PTPRN2: variants seen among roughly 807,000 people sequenced by gnomAD.
PTPRN2 encodes the protein receptor-type tyrosine-protein phosphatase N2.
In PTPRN2, 74 loss-of-function variants were observed where a neutral mutation model predicts 118.8. The ratio of observed to expected loss-of-function variants is 0.62; its 90% confidence interval spans 0.52 to 0.76. PTPRN2 has a LOEUF of 0.76. Ranked by LOEUF, PTPRN2 falls within the 30% of genes least tolerant of loss-of-function variation. The probability of loss-of-function intolerance (pLI) is 0.00; values close to 1 mark genes in which losing one functional copy is unlikely to be tolerated. For synonymous variants in PTPRN2, 641 were observed against 608.0 expected (o/e 1.05, Z -0.80); for missense variants, 1,481 against 1,394.4 (o/e 1.06, Z -0.99).
intron 1 of PTPRN2, among the ~76,000 whole-genome samples, chr7:158,537,096 G>A (rs1825691572): frequency 6.6e-6 from 1 of 152,182 alleles, no homozygotes; most frequent in South Asian, 2.1e-4. Context: ...CCAGTGAGAA[G>A]ACAGGCCTCT....
chr7:158,327,403 A>C (rs962471955), intron 2 of PTPRN2, among the ~76,000 whole-genome samples: 2 of 151,816 alleles, frequency 1.3e-5, no homozygotes, highest in South Asian at 2.1e-4. Context: ...ATGCTCACAC[A>C]TGCTCACACA....
At chr7:158,441,406 G>A (rs1027208685) in intron 2 of PTPRN2, among the ~76,000 whole-genome samples, 1 of 149,490 alleles carries the variant, frequency 6.7e-6, no homozygotes, top group Non-Finnish European at 1.5e-5. Context: ...GATGGTCATG[G>A]TAGTGGTGGT....
At chr7:157,620,345 G>C (rs956984204) in intron 15 of PTPRN2, among the ~76,000 whole-genome samples, 2 of 152,172 alleles carry the variant, frequency 1.3e-5, no homozygotes, top group African/African-American at 4.8e-5. Context: ...GGAACACGAG[G>C]CGGTGTCTCT....
chr7:158,167,965 T>C (rs895297866), intron 5 of PTPRN2, among the ~76,000 whole-genome samples: 7 of 152,238 alleles, frequency 4.6e-5, no homozygotes, highest in Admixed American at 2.0e-4. Context: ...CTGCTATGAG[T>C]ATTCATTTAT....
At chr7:157,928,032 T>C (rs960367970) in intron 11 of PTPRN2, among the ~76,000 whole-genome samples, 2 of 152,180 alleles carry the variant, frequency 1.3e-5, no homozygotes, top group African/African-American at 2.4e-5. Context: ...GTGGCATTTA[T>C]AGAGCACTTA....
intron 11 of PTPRN2, among the ~76,000 whole-genome samples, chr7:158,000,278 G>A (rs1208805884): frequency 6.6e-6 from 1 of 152,100 alleles, no homozygotes; most frequent in Admixed American, 6.5e-5. Flanking sequence ...CCCAGTCAGG[G>A]GAATAACCAG....
intron 2 of PTPRN2, among the ~76,000 whole-genome samples, chr7:158,404,794 A>G (rs1586587894): frequency 2.8e-5 from 2 of 72,002 alleles, no homozygotes; most frequent in Admixed American, 1.8e-4. Flanking sequence ...TCCGGCCTCC[A>G]GCTCCCTGGC....
At chr7:157,549,940 G>A (rs1167674144) in intron 21 of PTPRN2, among the ~76,000 whole-genome samples, 2 of 152,228 alleles carry the variant, frequency 1.3e-5, no homozygotes, top group Admixed American at 6.5e-5. Flanking sequence ...GTGGTCACCC[G>A]AGTCGCAGAT....
intron 3 of PTPRN2, among the ~76,000 whole-genome samples, chr7:158,240,075 A>T (rs1223089119): frequency 6.6e-6 from 1 of 152,234 alleles, no homozygotes; most frequent in Non-Finnish European, 1.5e-5. Context: ...TGGAACCTCC[A>T]GGCAGGTCAG....
chr7:157,916,076 T>C (rs1279364940), intron 11 of PTPRN2, among the ~76,000 whole-genome samples: 1 of 152,250 alleles, frequency 6.6e-6, no homozygotes, highest in Non-Finnish European at 1.5e-5. Flanking sequence ...CACAGATGTG[T>C]ATATAAAATT....
intron 12 of PTPRN2, among the ~76,000 whole-genome samples, chr7:157,846,634 G>A (rs1187702473): frequency 6.6e-6 from 1 of 152,226 alleles, no homozygotes; most frequent in Non-Finnish European, 1.5e-5. Flanking sequence ...CTGCAGGTGT[G>A]TCTGATGTTT....
chr7:157,863,817 C>T (rs1308030971), intron 12 of PTPRN2: 2 of 152,204 alleles, frequency 1.3e-5, no homozygotes, highest in Non-Finnish European at 2.9e-5. Context: ...TGTGGAGACA[C>T]CTGAAGATGA....
rs1805565087 is a variant in PTPRN2 at position 157,650,314 on chromosome 7, AG to A, written c.2196+6042del. On this transcript the variant is annotated intron_variant, in intron 14 of 22. Transcript: ENST00000389418. ...CACACCCCCACCCGCCGTGCTGGGA[AG>A]GGGGGACTATGTACCCCTCCATGTG... Among the ~76,000 whole-genome samples, 2 of 152,206 alleles carry A rather than the reference AG, an allele frequency of 1.3e-5. 1 individual carries two copies. The highest frequency in any genetic ancestry group is 4.1e-4 in the South Asian group (2 of 4,832).
intron 22 of PTPRN2, among the ~76,000 whole-genome samples, chr7:157,542,838 C>T (rs1159937580): frequency 2.0e-5 from 3 of 152,350 alleles, no homozygotes; most frequent in East Asian, 3.9e-4. Context: ...TGGGCGTCGG[C>T]TGGCAGGAGG....
intron 11 of PTPRN2, among the ~76,000 whole-genome samples, chr7:158,056,086 C>T (rs1256277267): frequency 1.3e-5 from 2 of 152,230 alleles, no homozygotes; most frequent in Non-Finnish European, 2.9e-5. Context: ...TTCGGAGGCT[C>T]TTGCTCTGCT....
At chr7:157,846,958 A>G (rs71543615) in intron 12 of PTPRN2, among the ~76,000 whole-genome samples, 1,172 of 81,592 alleles carry the variant, frequency 0.014, 2 homozygotes, top group Middle Eastern at 0.065. Flanking sequence ...ATGTGTGCCC[A>G]ATGTTTACAG....
intron 6 of PTPRN2, among the ~76,000 whole-genome samples, chr7:158,157,124 G>A (rs1821896908): frequency 6.6e-6 from 1 of 152,220 alleles, no homozygotes; most frequent in Non-Finnish European, 1.5e-5. Flanking sequence ...CAGCACGCCT[G>A]TTCCATGTGG....
chr7:158,560,857 G>A (rs765926121), intron 1 of PTPRN2, among the ~76,000 whole-genome samples: 3 of 152,214 alleles, frequency 2.0e-5, no homozygotes, highest in Non-Finnish European at 2.9e-5. Flanking sequence ...CTCCCAGCAG[G>A]GTACAGGTTA....
intron 1 of PTPRN2, among the ~76,000 whole-genome samples, chr7:158,524,576 C>G (rs925120316): frequency 1.3e-5 from 2 of 151,898 alleles, no homozygotes; most frequent in African/African-American, 2.4e-5. Flanking sequence ...GAAGCCAGAT[C>G]GCTGAGGAGT....
Sources: gnomAD v4.1 joint callset for allele counts (sites outside exome capture counted in the v4.1 genomes callset) on GRCh38, gnomAD v4.1.1 for gene constraint, MANE v1.5 for transcripts, NCBI Gene and HGNC (gene_info 2026-07-23, HGNC 2026-07-21) for gene names.